KCNMA1: variants seen among roughly 807,000 people sequenced by gnomAD.
KCNMA1 encodes potassium calcium-activated channel subfamily M alpha 1.
A neutral mutation model predicts 140.0 loss-of-function variants in KCNMA1; 29 were observed. The ratio of observed to expected loss-of-function variants is 0.21; its 90% confidence interval spans 0.15 to 0.28. The LOEUF (loss-of-function observed/expected upper bound fraction) is 0.28, where lower values mean the gene tolerates loss of function less well. Ranked by LOEUF, KCNMA1 falls within the 10% of genes least tolerant of loss-of-function variation. The pLI, the probability that KCNMA1 is intolerant of heterozygous loss-of-function variation, is 1.00. For missense variants in KCNMA1, 880 were observed against 1,602.2 expected, an observed-to-expected ratio of 0.55 and a Z score of 7.70; for synonymous variants, 612 against 611.9, an observed-to-expected ratio of 1.00 and a Z score of 0.00.
intron 2 of KCNMA1, among the ~76,000 whole-genome samples, chr10:77,266,308 C>A (rs1018078013): frequency 6.6e-6 from 1 of 152,104 alleles, no homozygotes; most frequent in African/African-American, 2.4e-5. Flanking sequence ...AACAAAGGAA[C>A]CCAGGGTCAT....
chr10:76,916,642 G>T (rs2053052587), intron 23 of KCNMA1, among the ~76,000 whole-genome samples: 1 of 152,142 alleles, frequency 6.6e-6, no homozygotes. Context: ...TAGGAACAAA[G>T]TCACTTGCTA....
chr10:77,208,641 A>G (rs2044980373), intron 3 of KCNMA1, among the ~76,000 whole-genome samples: 1 of 152,252 alleles, frequency 6.6e-6, no homozygotes, highest in African/African-American at 2.4e-5. Context: ...TCTACTGTCC[A>G]TCTTATGGGA....
chr10:77,589,995 A>C (rs2078521061), intron 1 of KCNMA1, among the ~76,000 whole-genome samples: 1 of 152,106 alleles, frequency 6.6e-6, no homozygotes, highest in African/African-American at 2.4e-5. Context: ...TGCGTTCACA[A>C]TCCCTGAGCT....
At chr10:76,943,202 C>T (rs754541201) in intron 23 of KCNMA1, among the ~76,000 whole-genome samples, 5 of 152,180 alleles carry the variant, frequency 3.3e-5, no homozygotes, top group East Asian at 1.9e-4. Flanking sequence ...GCACAGGATG[C>T]GGGCTCTACC....
chr10:77,270,939 T>C (rs2064955380), intron 2 of KCNMA1, among the ~76,000 whole-genome samples: 1 of 152,320 alleles, frequency 6.6e-6, no homozygotes, highest in South Asian at 2.1e-4. Flanking sequence ...GTGTGTAAAG[T>C]GTTTCATATT....
At chr10:77,293,963 C>A (rs1429708696) in intron 2 of KCNMA1, among the ~76,000 whole-genome samples, 1 of 152,234 alleles carries the variant, frequency 6.6e-6, no homozygotes, top group Non-Finnish European at 1.5e-5. Flanking sequence ...TGTGTCACAT[C>A]CAAGCACCCT....
intron 3 of KCNMA1, among the ~76,000 whole-genome samples, chr10:77,237,728 C>T (rs1416455583): frequency 1.3e-5 from 2 of 152,160 alleles, no homozygotes; most frequent in African/African-American, 4.8e-5. Context: ...TGCCCAGCTA[C>T]ATTCCCACCC....
At chr10:77,211,854 A>G (rs1038638163) in intron 3 of KCNMA1, among the ~76,000 whole-genome samples, 1 of 152,260 alleles carries the variant, frequency 6.6e-6, no homozygotes, top group Non-Finnish European at 1.5e-5. Context: ...ACTGCTCATC[A>G]TCACTAATCG....
At chr10:77,308,602 T>C (rs545701462) in intron 2 of KCNMA1, among the ~76,000 whole-genome samples, 3 of 152,326 alleles carry the variant, frequency 2.0e-5, no homozygotes, top group Admixed American at 6.5e-5. Context: ...AGCTGCCGCC[T>C]TGTCAGGAAA....
intron 23 of KCNMA1, among the ~76,000 whole-genome samples, chr10:76,915,601 G>A (rs898584368): frequency 3.3e-5 from 5 of 152,076 alleles, no homozygotes; most frequent in South Asian, 2.1e-4. Context: ...GCTTTAAGCC[G>A]CTGAGATTTG....
In KCNMA1 at chr10:76,951,923, CGTT is replaced by C. The variant is rs556354709; in HGVS notation, c.2484+1875_2484+1877del. The C allele has an allele frequency of 2.9e-3, 2,953 of 1,015,400 alleles. 11 individuals carry two copies. The highest frequency in any genetic ancestry group is 3.6e-3 in the Non-Finnish European group (2,453 of 680,438). The allele number at this position is 1,015,400 out of a possible 1,614,324, so 62.9% of individuals were successfully genotyped here. A position where few individuals can be genotyped will look rare whatever the true frequency, so the allele number is the denominator to read the frequency against. On this transcript the variant is annotated intron_variant, in intron 21 of 27. Coordinates refer to ENST00000286628, the MANE Select transcript of KCNMA1 (RefSeq NM_001161352.2). Reference sequence around the variant, plus strand: ...AGAACACAAGCTCTGTGAGAGCAGTCGTTGTCAGGGATTGCATCTCCAGTAACT... The same window carrying C: ...AGAACACAAGCTCTGTGAGAGCAGTCGTCAGGGATTGCATCTCCAGTAACT...
intron 14 of KCNMA1, among the ~76,000 whole-genome samples, chr10:77,046,226 A>G (rs549238805): frequency 1.3e-5 from 2 of 152,364 alleles, no homozygotes; most frequent in Admixed American, 1.3e-4. Context: ...GAAGTGCTTA[A>G]TAAGAATTAG....
intron 1 of KCNMA1, among the ~76,000 whole-genome samples, chr10:77,467,823 A>G (rs2098063112): frequency 6.6e-6 from 1 of 152,234 alleles, no homozygotes; most frequent in Admixed American, 6.5e-5. Flanking sequence ...TAGGTTATGT[A>G]CACATTCCTG....
chr10:77,459,081 G>T (rs1048208898), intron 1 of KCNMA1, among the ~76,000 whole-genome samples: 15 of 152,218 alleles, frequency 9.9e-5, no homozygotes, highest in Non-Finnish European at 1.8e-4. Context: ...GGTATTTGCT[G>T]CAGGCACTTC....
chr10:77,245,588 T>C (rs2154243013), intron 3 of KCNMA1, among the ~76,000 whole-genome samples: 1 of 152,330 alleles, frequency 6.6e-6, no homozygotes, highest in South Asian at 2.1e-4. Flanking sequence ...ATTAGTTTGA[T>C]AATACCAACT....
At position 77,474,639 on chromosome 10, in the gene KCNMA1, C is replaced by CT. The variant is rs1321229749; in HGVS notation, c.379-70617dup. Among the ~76,000 whole-genome samples, 15 of 150,238 alleles carry CT rather than the reference C, an allele frequency of 1.0e-4. No homozygotes were observed. The South Asian group carries it at 1.1e-3, about 11-fold the overall frequency. ...GTGCCCTGTCTGGAGGTTCCACATT[C>CT]TTTTTTTTTTCTCTCTCTCCCAAAG... is the stretch of plus-strand genomic sequence containing the variant. On this transcript the variant is annotated intron_variant, in intron 1 of 27. Transcript: ENST00000286628.
chr10:77,500,866 T>C (rs860989), intron 1 of KCNMA1, among the ~76,000 whole-genome samples: 93,727 of 152,088 alleles, frequency 0.62, 30,072 homozygotes, highest in East Asian at 0.79. Context: ...CCTCTGGTTT[T>C]GGAGGTTGGA....
chr10:77,228,360 A>G (rs2052306747), intron 3 of KCNMA1, among the ~76,000 whole-genome samples: 3 of 152,178 alleles, frequency 2.0e-5, no homozygotes, highest in African/African-American at 4.8e-5. Flanking sequence ...TAAAGTCCCC[A>G]GGAGATCACT....
At chr10:77,271,057 AAC>A (rs1255592079) in intron 2 of KCNMA1, among the ~76,000 whole-genome samples, 1 of 152,244 alleles carries the variant, frequency 6.6e-6, no homozygotes, top group Non-Finnish European at 1.5e-5. Context: ...ACTGAAATAT[AAC>A]AGTGTTTCAT....
Sources: gnomAD v4.1 joint callset for allele counts (sites outside exome capture counted in the v4.1 genomes callset) on GRCh38, gnomAD v4.1.1 for gene constraint, MANE v1.5 for transcripts, NCBI Gene and HGNC (gene_info 2026-07-23, HGNC 2026-07-21) for gene names.